Variants in ROBO1 observed in about 807,000 individuals in gnomAD.
ROBO1 encodes the protein roundabout homolog 1.
In ROBO1, 149 loss-of-function variants were observed where a neutral mutation model predicts 195.9. The ratio of observed to expected loss-of-function variants is 0.76; its 90% CI spans 0.67 to 0.87. The LOEUF (loss-of-function observed/expected upper bound fraction) is 0.87. Ranked by LOEUF, ROBO1 falls within the 40% of genes least tolerant of loss-of-function variation. The pLI is 0.00. For synonymous variants in ROBO1, 816 were observed against 733.2 expected (o/e 1.11, Z -1.82); for missense variants, 1,933 against 2,068.3 (o/e 0.93, Z 1.27).
intron 27 of ROBO1, among the ~76,000 whole-genome samples, chr3:78,616,839 T>C (rs1334902018): frequency 6.6e-6 from 1 of 152,178 alleles, no homozygotes; most frequent in Non-Finnish European, 1.5e-5. Flanking sequence ...TTAAATTCTT[T>C]TCTTTCTTGA....
intron 1 of ROBO1, among the ~76,000 whole-genome samples, chr3:79,646,241 T>A (rs1167075907): frequency 1.3e-5 from 2 of 152,004 alleles, no homozygotes; most frequent in Non-Finnish European, 2.9e-5. Context: ...ATTAAAAAAA[T>A]GGACAAAAGA....
At position 78,938,910 on chromosome 3, in the gene ROBO1, C is replaced by A; in HGVS notation, c.190G>T (p.Glu64Ter). The change falls in exon 4 of 31, where the codon GAA becomes TAA. Residue 64 changes from glutamate to a stop codon, truncating the protein, a stop_gained. Transcript: ENST00000464233. LOFTEE classifies it high-confidence loss of function. ...LGYTGSRLRQ[E>*]DFPPRIVEHP... ...TCAACAATGCGAGGTGGAAAATCTT[C>A]CTGACGAAGACGGGAGCCTGCAGAA... The A allele has an allele frequency of 6.2e-7, 1 of 1,608,798 alleles. No individual in the cohort carries two copies.
intron 1 of ROBO1, among the ~76,000 whole-genome samples, chr3:79,604,052 T>A (rs2107881396): frequency 6.6e-6 from 1 of 152,172 alleles, no homozygotes; most frequent in South Asian, 2.1e-4. Flanking sequence ...CAATTTCATC[T>A]GAAAATAAGA....
intron 2 of ROBO1, among the ~76,000 whole-genome samples, chr3:79,450,724 T>C (rs2039416419): frequency 6.6e-6 from 1 of 151,934 alleles, no homozygotes; most frequent in African/African-American, 2.4e-5. Flanking sequence ...TAAAAATGCT[T>C]GAAAAACTAC....
At chr3:79,283,700 CTTT>C (rs762896053) in intron 2 of ROBO1, among the ~76,000 whole-genome samples, 5 of 141,320 alleles carry the variant, frequency 3.5e-5, no homozygotes, top group Non-Finnish European at 3.1e-5. Context: ...TCCATGAATT[CTTT>C]TTTTTTTTTT....
At chr3:78,787,007 G>T (rs561129084) in intron 4 of ROBO1, among the ~76,000 whole-genome samples, 1 of 152,220 alleles carries the variant, frequency 6.6e-6, no homozygotes, top group East Asian at 1.9e-4. Flanking sequence ...TAAACTAGTG[G>T]TTCTCCACCT....
At chr3:79,765,754 T>C (rs745506021) in intron 1 of ROBO1, among the ~76,000 whole-genome samples, 40 of 152,258 alleles carry the variant, frequency 2.6e-4, no homozygotes, top group Non-Finnish European at 5.6e-4. Flanking sequence ...AGGTGCTCAA[T>C]CAGTATATTT....
chr3:79,282,544 CAT>C (rs1334450649), intron 2 of ROBO1, among the ~76,000 whole-genome samples: 2 of 152,168 alleles, frequency 1.3e-5, no homozygotes, highest in African/African-American at 4.8e-5. Flanking sequence ...GAAGGTAAAA[CAT>C]GTGTAGACCT....
At chr3:79,761,790 T>G (rs1419198092) in intron 1 of ROBO1, among the ~76,000 whole-genome samples, 1 of 152,142 alleles carries the variant, frequency 6.6e-6, no homozygotes, top group African/African-American at 2.4e-5. Flanking sequence ...CTAAAAAGCT[T>G]TGCAAATGGC....
intron 3 of ROBO1, among the ~76,000 whole-genome samples, chr3:79,057,112 G>A (rs1006759394): frequency 4.6e-5 from 7 of 152,052 alleles, no homozygotes; most frequent in East Asian, 2.0e-4. Flanking sequence ...GTGGTCCCTT[G>A]ATTGACCAAA....
At chr3:78,828,931 AC>A (rs1559898971) in intron 4 of ROBO1, among the ~76,000 whole-genome samples, 1 of 152,202 alleles carries the variant, frequency 6.6e-6, no homozygotes. Flanking sequence ...TAGAAAAAAA[AC>A]TTTCATATAT....
At chr3:79,544,018 A>G (rs1211021368) in intron 2 of ROBO1, among the ~76,000 whole-genome samples, 4 of 152,100 alleles carry the variant, frequency 2.6e-5, no homozygotes, top group Admixed American at 6.6e-5. Context: ...CATAAAAGTG[A>G]CACCCTGGGG....
intron 2 of ROBO1, among the ~76,000 whole-genome samples, chr3:79,502,783 A>T (rs1327023700): frequency 6.6e-6 from 1 of 151,682 alleles, no homozygotes; most frequent in Non-Finnish European, 1.5e-5. Flanking sequence ...TGAATACACC[A>T]ATCAGTACTC....
intron 8 of ROBO1, among the ~76,000 whole-genome samples, chr3:78,701,925 G>A (rs749531324): frequency 2.0e-5 from 3 of 151,938 alleles, no homozygotes; most frequent in Non-Finnish European, 4.4e-5. Context: ...GTTTATACTG[G>A]CACATTATTT....
At chr3:79,576,093 A>T (rs1162408409) in intron 2 of ROBO1, among the ~76,000 whole-genome samples, 1 of 151,964 alleles carries the variant, frequency 6.6e-6, no homozygotes, top group Non-Finnish European at 1.5e-5. Flanking sequence ...CTCTCACTAA[A>T]TACTGTATCA....
At chr3:79,484,515 G>A (rs557455202) in intron 2 of ROBO1, among the ~76,000 whole-genome samples, 8 of 151,960 alleles carry the variant, frequency 5.3e-5, no homozygotes, top group East Asian at 1.9e-4. Context: ...GTGTGTGTGT[G>A]TATATATGGT....
At chr3:78,798,832 C>A (rs1164676879) in intron 4 of ROBO1, among the ~76,000 whole-genome samples, 3 of 152,146 alleles carry the variant, frequency 2.0e-5, no homozygotes, top group Non-Finnish European at 4.4e-5. Flanking sequence ...ACAGGTGAAG[C>A]TATTCATGGG....
intron 2 of ROBO1, among the ~76,000 whole-genome samples, chr3:79,404,303 G>A (rs1317365897): frequency 2.6e-5 from 4 of 152,038 alleles, no homozygotes; most frequent in Non-Finnish European, 5.9e-5. Context: ...TTCATCTGCT[G>A]CAGCTTTAAG....
intron 3 of ROBO1, among the ~76,000 whole-genome samples, chr3:78,982,767 T>C (rs946605131): frequency 9.9e-5 from 15 of 152,090 alleles, no homozygotes; most frequent in African/African-American, 3.6e-4. Flanking sequence ...CAGCTGGGAT[T>C]ACAGGCATGC....
Sources: allele counts gnomAD v4.1 joint callset (sites outside exome capture counted in the v4.1 genomes callset), GRCh38; gene constraint gnomAD v4.1.1; transcripts MANE v1.5; gene names NCBI Gene and HGNC (gene_info 2026-07-23, HGNC 2026-07-21).